The following CTNNA1 variants were observed in gnomAD, a reference collection of about 807,000 sequenced individuals.
The protein encoded by CTNNA1 is catenin alpha 1, also known as catenin alpha-1.
CTNNA1 carries 37 observed loss-of-function variants against 98.4 expected under a neutral mutation model. The observed-to-expected ratio is 0.38, with a 90% CI of 0.29 to 0.49. The LOEUF (loss-of-function observed/expected upper bound fraction) is 0.49. CTNNA1 is among the 20% of genes least tolerant of loss of function. The probability of loss-of-function intolerance (pLI) is 0.95; values close to 1 mark genes in which losing one functional copy is unlikely to be tolerated. For missense variants in CTNNA1, 761 were observed against 1,147.2 expected, an observed-to-expected ratio of 0.66 and a Z score of 4.86; for synonymous variants, 404 against 413.2, an observed-to-expected ratio of 0.98 and a Z score of 0.27.
chr5:138,934,491 C>T lies in CTNNA1; in HGVS notation c.*402C>T. The T allele has an allele frequency of 1.7e-5, 3 of 172,084 alleles. No individual in the cohort carries two copies. Among genetic ancestry groups the T allele is most frequent in the Non-Finnish European group, 3.7e-5 (3 of 81,076 alleles). The allele number at this position is 172,084 out of a possible 1,614,324, so 10.7% of individuals were successfully genotyped here. On this transcript the variant is annotated 3_prime_UTR_variant, in exon 18 of 18. Transcript: ENST00000302763. ...AGACAGCTTGACTGCTTTTAAATGACCAAAGATGACCTGTGGTAAGCAACC... is the reference window on the plus strand; with the variant it reads ...AGACAGCTTGACTGCTTTTAAATGATCAAAGATGACCTGTGGTAAGCAACC...
intron 1 of CTNNA1, among the ~76,000 whole-genome samples, chr5:138,780,513 T>TTTA (rs557602267): frequency 2.1e-4 from 32 of 150,364 alleles, no homozygotes; most frequent in African/African-American, 6.8e-4. Context: ...TTTTTTAATT[T>TTTA]TTATTATTAT....
chr5:138,893,197 G>T (rs1755899147), intron 9 of CTNNA1, among the ~76,000 whole-genome samples: 1 of 152,082 alleles, frequency 6.6e-6, no homozygotes, highest in African/African-American at 2.4e-5. Context: ...TGGGGATGAG[G>T]GTAGAGCAGT....
chr5:138,882,897 C>T (rs1336327463), intron 7 of CTNNA1, among the ~76,000 whole-genome samples: 6 of 152,210 alleles, frequency 3.9e-5, no homozygotes, highest in Admixed American at 6.5e-5. Flanking sequence ...GGCACAATCT[C>T]GGTTCACTGC....
chr5:138,815,358 C>T (rs1321262470), intron 5 of CTNNA1, among the ~76,000 whole-genome samples: 5 of 152,030 alleles, frequency 3.3e-5, no homozygotes, highest in African/African-American at 7.2e-5. Flanking sequence ...TTACCCTATT[C>T]TCTGCCCCAG....
chr5:138,829,003 T>C (rs1425743755), intron 7 of CTNNA1, among the ~76,000 whole-genome samples: 3 of 152,088 alleles, frequency 2.0e-5, no homozygotes, highest in Non-Finnish European at 4.4e-5. Context: ...GCACGCCTGG[T>C]CTCAGCTACT....
chr5:138,928,519 A>G (rs1182345583), intron 13 of CTNNA1, among the ~76,000 whole-genome samples: 2 of 152,252 alleles, frequency 1.3e-5, no homozygotes, highest in Non-Finnish European at 2.9e-5. Context: ...TAGGAAAGTT[A>G]TACAAATCCG....
intron 7 of CTNNA1, among the ~76,000 whole-genome samples, chr5:138,863,061 A>G (rs1764430539): frequency 6.6e-6 from 1 of 152,134 alleles, no homozygotes; most frequent in African/African-American, 2.4e-5. Flanking sequence ...ATAAAGGTTG[A>G]AGGACTTGTC....
chr5:138,849,594 G>A (rs945679725), intron 7 of CTNNA1, among the ~76,000 whole-genome samples: 98 of 152,302 alleles, frequency 6.4e-4, no homozygotes, highest in African/African-American at 2.3e-3. Context: ...ACTTTGAAGT[G>A]AGGCACGTGC....
chr5:138,786,475 G>A (rs1219597656), intron 3 of CTNNA1, among the ~76,000 whole-genome samples: 1 of 152,054 alleles, frequency 6.6e-6, no homozygotes, highest in East Asian at 1.9e-4. Flanking sequence ...AGATTCTTTG[G>A]ACACCCCTCC....
At position 138,776,844 on chromosome 5, in the gene CTNNA1, G is replaced by C. The variant is rs1312174409; in HGVS notation, c.-2-5079G>C. ...TCCCGGACGGGGCGGCTGGCCGGGC[G>C]GGGGGGCTGACTCCCCCACCTCCCT... On this transcript the variant is annotated intron_variant, in intron 1 of 17. Coordinates refer to ENST00000302763, the MANE Select transcript of CTNNA1 (RefSeq NM_001903.5). Among the ~76,000 whole-genome samples the C allele has an allele frequency of 6.1e-4, 18 of 29,642 alleles. 1 individual carries two copies. Among genetic ancestry groups the C allele is most frequent in the African/African-American group, 2.6e-3 (18 of 7,010 alleles). The allele number at this position is 29,642 out of a possible 152,430, so 19.4% of individuals were successfully genotyped here.
chr5:138,761,702 C>T (rs1472482635), intron 1 of CTNNA1, among the ~76,000 whole-genome samples: 1 of 152,048 alleles, frequency 6.6e-6, no homozygotes, highest in East Asian at 1.9e-4. Context: ...ATTCTTTCTA[C>T]CTTCTCTGCC....
chr5:138,829,726 G>T (rs1761073572), intron 7 of CTNNA1, among the ~76,000 whole-genome samples: 1 of 152,192 alleles, frequency 6.6e-6, no homozygotes, highest in South Asian at 2.1e-4. Flanking sequence ...TGTGATGTGA[G>T]GCTGAAATTT....
At chr5:138,757,304 T>C (rs1053754419) in intron 1 of CTNNA1, among the ~76,000 whole-genome samples, 7 of 152,110 alleles carry the variant, frequency 4.6e-5, no homozygotes, top group Non-Finnish European at 1.0e-4. Context: ...GCTATTGTTA[T>C]GGGTACAGAG....
At chr5:138,779,820 G>C (rs1754849114) in intron 1 of CTNNA1, among the ~76,000 whole-genome samples, 1 of 151,254 alleles carries the variant, frequency 6.6e-6, no homozygotes, top group Non-Finnish European at 1.5e-5. Context: ...GGTTCAAGTG[G>C]TTTTCCTGCC....
intron 7 of CTNNA1, chr5:138,870,736 G>C (rs1252755222): frequency 6.6e-6 from 1 of 152,224 alleles, no homozygotes; most frequent in East Asian, 1.9e-4. Context: ...TGACCAAGCT[G>C]TCTGTCACCT....
chr5:138,804,965 A>C (rs1258258788), intron 3 of CTNNA1, among the ~76,000 whole-genome samples: 1 of 152,200 alleles, frequency 6.6e-6, no homozygotes, highest in Non-Finnish European at 1.5e-5. Context: ...TACAGAAAGC[A>C]TAGTGTCTTC....
intron 1 of CTNNA1, among the ~76,000 whole-genome samples, chr5:138,775,714 CTTTTTTTTTTTTTT>C (rs750615535): frequency 1.2e-5 from 1 of 82,526 alleles, no homozygotes; most frequent in African/African-American, 4.8e-5. Flanking sequence ...GGAAATATTT[CTTTTTTTTTTTTTT>C]TTTTTTTTTT....
intron 3 of CTNNA1, among the ~76,000 whole-genome samples, chr5:138,793,796 A>G (rs1031705066): frequency 6.6e-6 from 1 of 152,194 alleles, no homozygotes; most frequent in African/African-American, 2.4e-5. Context: ...TGAATTAGTA[A>G]GGAAAATGAG....
At chr5:138,928,425 A>C (rs1764591117) in intron 13 of CTNNA1, among the ~76,000 whole-genome samples, 2 of 152,204 alleles carry the variant, frequency 1.3e-5, no homozygotes, top group South Asian at 4.1e-4. Flanking sequence ...ATACTTTAAA[A>C]TACATTGCCT....
Sources: allele counts gnomAD v4.1 joint callset (sites outside exome capture counted in the v4.1 genomes callset), GRCh38; gene constraint gnomAD v4.1.1; transcripts MANE v1.5; gene names NCBI Gene and HGNC (gene_info 2026-07-23, HGNC 2026-07-21).